GALNT6: variants seen among roughly 807,000 people sequenced by gnomAD.
GALNT6 encodes polypeptide N-acetylgalactosaminyltransferase 6.
In GALNT6, 51 loss-of-function variants were observed where a neutral mutation model predicts 65.9. The observed-to-expected ratio is 0.77, with a 90% CI of 0.62 to 0.98. The LOEUF is 0.98. GALNT6 is among the 50% of genes least tolerant of loss of function. The pLI is 0.00. For synonymous variants in GALNT6, 323 were observed against 315.1 expected (o/e 1.02, Z -0.26); for missense variants, 708 against 803.3 (o/e 0.88, Z 1.43).
intron 10 of GALNT6, among the ~76,000 whole-genome samples, chr12:51,357,048 A>T (rs999168795): frequency 1.3e-5 from 2 of 152,106 alleles, no homozygotes; most frequent in African/African-American, 4.8e-5. Context: ...AGGTGATGGG[A>T]TGTGCTGGAA....
At chr12:51,367,311 TG>T (rs2137628054) in intron 4 of GALNT6, among the ~76,000 whole-genome samples, 1 of 152,182 alleles carries the variant, frequency 6.6e-6, no homozygotes, top group South Asian at 2.1e-4. Flanking sequence ...GGCGCACACC[TG>T]TAAACCCAGC....
intron 4 of GALNT6, among the ~76,000 whole-genome samples, chr12:51,367,216 C>T (rs1253139135): frequency 1.3e-5 from 2 of 152,118 alleles, no homozygotes; most frequent in Non-Finnish European, 2.9e-5. Context: ...GAGATTGCAC[C>T]ATTGCACTCC....
rs774493983 is a variant in GALNT6, at chr12:51,379,685, T to C, written c.97A>G (p.Ser33Gly). ...GGCTTCTCTGTGGCCTCCTCTCTGC[T>C]GCTCACATCCCTATGCAGGAGGAAG... ...FLFLLHRDVS[S>G]REEATEKPWL... is the part of the protein sequence containing the mutation. Residue 33 changes from serine (S) to glycine (G), a missense_variant, in exon 3 of 12, where the codon AGC becomes GGC. Transcript: ENST00000356317. 3 of 1,614,078 alleles carry C rather than the reference T, an allele frequency of 1.9e-6. No individual in the cohort carries two copies. In the African/African-American group the frequency reaches 4.0e-5, roughly 22 times the overall value.
chr12:51,369,332 C>T (rs1331633662), intron 4 of GALNT6, among the ~76,000 whole-genome samples: 1 of 152,184 alleles, frequency 6.6e-6, no homozygotes, highest in African/African-American at 2.4e-5. Flanking sequence ...GAGACAACTC[C>T]CCTAAGCAAT....
chr12:51,360,713 A>T lies in GALNT6; in HGVS notation c.1167+8T>A. On this transcript the variant is annotated splice_region_variant and intron_variant, in intron 7 of 11. Coordinates refer to ENST00000356317, the MANE Select transcript of GALNT6 (RefSeq NM_007210.4). Reference sequence around the variant, plus strand: ...TGTGGTTCCCCCCAAAGCCCTCTTCACTCTCACCCGGAAGGACATTTCCAC... The same window carrying T: ...TGTGGTTCCCCCCAAAGCCCTCTTCTCTCTCACCCGGAAGGACATTTCCAC... 6.6e-7 allele frequency: 1 copy of T among 1,522,970 alleles called. No individual in the cohort carries two copies. The highest frequency in any genetic ancestry group is 1.1e-5 in the South Asian group (1 of 89,116). The allele number at this position is 1,522,970 out of a possible 1,614,324, so 94.3% of individuals were successfully genotyped here. A position where few individuals can be genotyped will look rare whatever the true frequency, so the allele number is the denominator to read the frequency against.
At position 51,355,966 on chromosome 12, in the gene GALNT6, TCAAGA is replaced by T. The variant is rs1418829621; in HGVS notation, c.1603-13_1603-9del. 2 of 1,611,894 alleles carry T rather than the reference TCAAGA, an allele frequency of 1.2e-6. No individual in the cohort carries two copies. The highest frequency in any genetic ancestry group is 3.3e-5 in the Admixed American group (2 of 59,908). On this transcript the variant is annotated splice_polypyrimidine_tract_variant and intron_variant, in intron 10 of 11. Coordinates refer to ENST00000356317, the MANE Select transcript of GALNT6 (RefSeq NM_007210.4). ...AGTTGTGTACTCAAAGTACTGGAAA[TCAAGA>T]CAAGAGAAGCAGGTGGAGAGTTCAC...
chr12:51,385,156 T>C (rs1947792134), intron 2 of GALNT6, among the ~76,000 whole-genome samples: 1 of 152,060 alleles, frequency 6.6e-6, no homozygotes, highest in African/African-American at 2.4e-5. Flanking sequence ...GACCGGCTAA[T>C]TTTTATTTTT....
At chr12:51,382,588 C>T (rs1947710214) in intron 2 of GALNT6, 1 of 152,578 alleles carries the variant, frequency 6.6e-6, no homozygotes, top group Admixed American at 6.5e-5. Context: ...ATTGGGCCTA[C>T]AGAGGTGGCT....
intron 2 of GALNT6, chr12:51,383,463 C>G (rs941524709): frequency 6.6e-6 from 1 of 152,200 alleles, no homozygotes; most frequent in Non-Finnish European, 1.5e-5. Context: ...AGACTCACCC[C>G]CTCCAGGAAG....
chr12:51,359,055 G>A, intron 8 of GALNT6, 77 bp downstream of exon 8: 2 of 1,153,796 alleles, frequency 1.7e-6, no homozygotes, highest in Non-Finnish European at 2.6e-6. Context: ...GTGGGTCCCA[G>A]CCATTAGGCC....
intron 4 of GALNT6, among the ~76,000 whole-genome samples, chr12:51,371,740 G>A (rs1947299657): frequency 6.6e-6 from 1 of 152,200 alleles, no homozygotes; most frequent in South Asian, 2.1e-4. Context: ...AGCTCAGCAC[G>A]CGGTCTCCTC....
intron 2 of GALNT6, among the ~76,000 whole-genome samples, chr12:51,386,856 T>C (rs1184446816): frequency 6.6e-6 from 1 of 152,192 alleles, no homozygotes; most frequent in Non-Finnish European, 1.5e-5. Flanking sequence ...TCTGTACTCA[T>C]ACTGTGAACA....
rs10516 is a variant in GALNT6 at position 51,352,050 on chromosome 12, C to T, written c.*2329G>A. 41,894 of 152,230 alleles carry T rather than the reference C, an allele frequency of 0.28. 5,913 individuals carry two copies. The highest frequency in any genetic ancestry group is 0.32 in the Middle Eastern group (93 of 294). 9.4% of individuals were successfully genotyped at this position (152,230 alleles called of 1,614,324 possible). ...GCTCTCAGGGATGTAGGCGGCCTCC[C>T]GCAGGGTTGAGTTGCAATGGGAACA... On this transcript the variant is annotated 3_prime_UTR_variant, in exon 12 of 12. Transcript: ENST00000356317.
rs1252311794 is a variant in GALNT6 at position 51,379,327 on chromosome 12, A to G, written c.455T>C (p.Leu152Pro). Residue 152 changes from leucine to proline, a missense_variant, in exon 3 of 12, where the codon CTG becomes CCG. Physicochemically the swap from Leu to Pro is moderately conservative, Grantham distance 98 (BLOSUM62 -3). Transcript: ENST00000356317. Reference protein sequence around the residue: ...FNAFASDRISLQRSLGPDTRP... With the variant: ...FNAFASDRISPQRSLGPDTRP... The stretch of plus-strand genomic sequence containing the variant: ...GGTGTCTGGCCCCAGGGACCTCTGC[A>G]GGGAGATCCGGTCGCTGGCAAAGGC... 1 of 1,531,470 alleles carries G rather than the reference A, an allele frequency of 6.5e-7. No homozygotes were observed. The highest frequency in any genetic ancestry group is 8.8e-7 in the Non-Finnish European group (1 of 1,142,448). 94.9% of individuals were successfully genotyped at this position (1,531,470 alleles called of 1,614,324 possible). A position where few individuals can be genotyped will look rare whatever the true frequency, so the allele number is the denominator to read the frequency against.
At chr12:51,369,723 C>G (rs946321954) in intron 4 of GALNT6, among the ~76,000 whole-genome samples, 1 of 152,304 alleles carries the variant, frequency 6.6e-6, no homozygotes, top group East Asian at 1.9e-4. Flanking sequence ...GTCTCCCTCA[C>G]GTCAGTACAC....
At chr12:51,388,286 G>C (rs12316391) in intron 2 of GALNT6, among the ~76,000 whole-genome samples, 23,429 of 152,040 alleles carry the variant, frequency 0.15, 2,231 homozygotes, top group African/African-American at 0.25. Flanking sequence ...CCTTTGCCTC[G>C]GGCCCCTCTC....
intron 4 of GALNT6, among the ~76,000 whole-genome samples, chr12:51,372,807 T>C (rs1052608836): frequency 4.6e-5 from 7 of 152,148 alleles, no homozygotes; most frequent in Non-Finnish European, 8.8e-5. Flanking sequence ...AAGTTTAGGG[T>C]GAAAAGTTAA....
intron 4 of GALNT6, among the ~76,000 whole-genome samples, chr12:51,368,389 T>C (rs1247737408): frequency 7.7e-6 from 1 of 129,048 alleles, no homozygotes; most frequent in East Asian, 2.4e-4. Context: ...TTCTTTTTTT[T>C]TCCATGTTTT....
intron 3 of GALNT6, among the ~76,000 whole-genome samples, chr12:51,378,700 T>C (rs1266968362): frequency 1.3e-5 from 2 of 152,094 alleles, no homozygotes; most frequent in Non-Finnish European, 2.9e-5. Flanking sequence ...AATGCAGCCA[T>C]GGGGGCGTTA....
Sources: allele counts gnomAD v4.1 joint callset (sites outside exome capture counted in the v4.1 genomes callset), GRCh38; gene constraint gnomAD v4.1.1; transcripts MANE v1.5; gene names NCBI Gene and HGNC (gene_info 2026-07-23, HGNC 2026-07-21).